The following PAX5 variants were observed in gnomAD, a reference collection of about 807,000 sequenced individuals.
The protein encoded by PAX5 is paired box 5, also known as paired box protein Pax-5.
Under a neutral mutation model 43.7 loss-of-function variants are expected in PAX5, and 9 were observed. The observed-to-expected ratio is 0.21, with a 90% CI of 0.12 to 0.36. The LOEUF (loss-of-function observed/expected upper bound fraction) is 0.36, where lower values mean the gene tolerates loss of function less well. Among genes scored for constraint, PAX5 ranks in the 10% least tolerant of loss-of-function variants. PAX5 has a pLI of 1.00. For missense variants in PAX5, 383 were observed against 532.7 expected, an observed-to-expected ratio of 0.72 and a Z score of 2.77; for synonymous variants, 228 against 214.3, an observed-to-expected ratio of 1.06 and a Z score of -0.56.
At chr9:36,871,801 T>G (rs1327941095) in intron 8 of PAX5, among the ~76,000 whole-genome samples, 1 of 152,168 alleles carries the variant, frequency 6.6e-6, no homozygotes, top group Non-Finnish European at 1.5e-5. Flanking sequence ...AAAGCTGTCC[T>G]CAGCCCCTGG....
chr9:36,887,022 C>A (rs995828665), intron 7 of PAX5, among the ~76,000 whole-genome samples: 3 of 152,108 alleles, frequency 2.0e-5, no homozygotes, highest in Admixed American at 6.5e-5. Flanking sequence ...AGGGATCTGC[C>A]CCTGTTGTAT....
chr9:37,012,522 T>C (rs1839028797), intron 3 of PAX5, among the ~76,000 whole-genome samples: 2 of 152,186 alleles, frequency 1.3e-5, no homozygotes, highest in South Asian at 2.1e-4. Flanking sequence ...AGGCTAGCCA[T>C]GGCCCTACAG....
chr9:36,970,483 G>A (rs1834842274), intron 5 of PAX5, among the ~76,000 whole-genome samples: 1 of 152,168 alleles, frequency 6.6e-6, no homozygotes, highest in African/African-American at 2.4e-5. Flanking sequence ...GCTACGGGAA[G>A]GGCTGGGGAA....
At chr9:37,022,725 A>G (rs1246833142) in intron 1 of PAX5, among the ~76,000 whole-genome samples, 1 of 152,206 alleles carries the variant, frequency 6.6e-6, no homozygotes, top group Admixed American at 6.5e-5. Flanking sequence ...GGAAAACCCT[A>G]AAGGTCTCCT....
At chr9:36,843,094 G>A (rs4880017) in intron 9 of PAX5, among the ~76,000 whole-genome samples, 7 of 151,140 alleles carry the variant, frequency 4.6e-5, no homozygotes, top group African/African-American at 1.2e-4. Context: ...GTGTGTGTGC[G>A]TGTGTGTGTG....
chr9:36,942,474 GC>G (rs201920188), intron 6 of PAX5, among the ~76,000 whole-genome samples: 1,801 of 152,324 alleles, frequency 0.012, 34 homozygotes, highest in African/African-American at 0.042. Context: ...AGATGTGAAA[GC>G]AGTCAGGTAA....
intron 6 of PAX5, among the ~76,000 whole-genome samples, chr9:36,928,749 G>A (rs1459292476): frequency 6.6e-6 from 1 of 152,152 alleles, no homozygotes; most frequent in Non-Finnish European, 1.5e-5. Context: ...CCTGGGTGGT[G>A]CTTTCACCAG....
At chr9:36,900,817 C>A (rs929382893) in intron 7 of PAX5, among the ~76,000 whole-genome samples, 7 of 152,186 alleles carry the variant, frequency 4.6e-5, no homozygotes, top group Non-Finnish European at 1.0e-4. Flanking sequence ...TCTGCACATT[C>A]CACCTGAGTG....
chr9:36,839,511 C>T lies in PAX5; in HGVS notation c.*1049G>A, dbSNP rs1194017767. Reference sequence around the variant, plus strand: ...AGTCCTCTGTGTTAATTATTGTCTACATCACCGGAACAGGCTTGCCCAGAA... The same window carrying T: ...AGTCCTCTGTGTTAATTATTGTCTATATCACCGGAACAGGCTTGCCCAGAA... On this transcript the variant is annotated 3_prime_UTR_variant, in exon 10 of 10. Transcript: ENST00000358127. 8.6e-6 allele frequency: 2 copies of T among 233,334 alleles called. No homozygotes were observed. The highest frequency in any genetic ancestry group is 1.8e-4 in the South Asian group (1 of 5,536). The allele number at this position is 233,334 out of a possible 1,614,324, so 14.5% of individuals were successfully genotyped here.
At position 37,034,227 on chromosome 9, in the gene PAX5, G is replaced by GA. The variant is rs930275783; in HGVS notation, c.-197dup. On this transcript the variant is annotated 5_prime_UTR_variant, in exon 1 of 10. Coordinates refer to ENST00000358127, the MANE Select transcript of PAX5 (RefSeq NM_016734.3). ...GAGCTGAAACTAAACGTTTTAGGTG[G>GA]AAAAAAAGCGTCCGAAGGCACCGTG... 1.4e-5 allele frequency: 8 copies of GA among 570,046 alleles called. No individual in the cohort carries two copies. Among genetic ancestry groups the GA allele is most frequent in the African/African-American group, 9.5e-5 (5 of 52,816 alleles). The allele number at this position is 570,046 out of a possible 1,614,324, so 35.3% of individuals were successfully genotyped here.
intron 8 of PAX5, among the ~76,000 whole-genome samples, chr9:36,867,992 C>T (rs560845095): frequency 3.9e-5 from 6 of 152,142 alleles, no homozygotes; most frequent in Admixed American, 1.3e-4. Context: ...TTCCCGGCCC[C>T]GGGAGGACAA....
chr9:36,858,632 C>A (rs1167404523), intron 8 of PAX5, among the ~76,000 whole-genome samples: 1 of 152,198 alleles, frequency 6.6e-6, no homozygotes, highest in East Asian at 1.9e-4. Flanking sequence ...GACTGGAAAG[C>A]TAAAACCAGC....
At chr9:36,981,677 T>C (rs1296151664) in intron 5 of PAX5, among the ~76,000 whole-genome samples, 1 of 152,218 alleles carries the variant, frequency 6.6e-6, no homozygotes, top group Non-Finnish European at 1.5e-5. Context: ...AGCCAGTAAA[T>C]GGATGAATGA....
chr9:36,900,877 G>T (rs1828326916), intron 7 of PAX5, among the ~76,000 whole-genome samples: 2 of 152,050 alleles, frequency 1.3e-5, no homozygotes, highest in Admixed American at 1.3e-4. Flanking sequence ...CTCTTCCATG[G>T]TCTTCATCTC....
chr9:36,880,839 T>A (rs924556437), intron 8 of PAX5, among the ~76,000 whole-genome samples: 1 of 152,190 alleles, frequency 6.6e-6, no homozygotes. Flanking sequence ...CTGCCTCCCA[T>A]GGTGCTGGGA....
At chr9:37,030,121 G>C (rs1840834149) in intron 1 of PAX5, among the ~76,000 whole-genome samples, 1 of 152,304 alleles carries the variant, frequency 6.6e-6, no homozygotes, top group South Asian at 2.1e-4. Context: ...TAGGTGTTCG[G>C]CTTCGGGACA....
intron 7 of PAX5, among the ~76,000 whole-genome samples, chr9:36,907,233 A>T (rs1828902672): frequency 6.6e-6 from 1 of 152,266 alleles, no homozygotes; most frequent in Non-Finnish European, 1.5e-5. Context: ...ACCAAAGTAC[A>T]TAACAAATGC....
rs1396936935 is a variant in PAX5, at chr9:36,836,084, G to A, written c.*4476C>T. 3.4e-5 allele frequency: 8 copies of A among 233,400 alleles called. No individual in the cohort carries two copies. The highest frequency in any genetic ancestry group is 1.8e-4 in the South Asian group (1 of 5,536). 14.5% of individuals were successfully genotyped at this position (233,400 alleles called of 1,614,324 possible). On this transcript the variant is annotated 3_prime_UTR_variant, in exon 10 of 10. Transcript: ENST00000358127. Reference sequence around the variant, plus strand: ...CACTGGCTGCCAAGGCTGGGCAGTCGTTCTGGAGCGTGACTTCTGGTAAAT... The same window carrying A: ...CACTGGCTGCCAAGGCTGGGCAGTCATTCTGGAGCGTGACTTCTGGTAAAT...
chr9:36,898,187 T>C (rs1828035289), intron 7 of PAX5, among the ~76,000 whole-genome samples: 1 of 152,028 alleles, frequency 6.6e-6, no homozygotes, highest in South Asian at 2.1e-4. Flanking sequence ...AGAAAGAAAA[T>C]AGAACATTCA....
Sources: gnomAD v4.1 joint callset for allele counts (sites outside exome capture counted in the v4.1 genomes callset) on GRCh38, gnomAD v4.1.1 for gene constraint, MANE v1.5 for transcripts, NCBI Gene and HGNC (gene_info 2026-07-23, HGNC 2026-07-21) for gene names.